The following NAA11 variants were observed in gnomAD, a reference collection of about 807,000 sequenced individuals.
The protein encoded by NAA11 is N-alpha-acetyltransferase 11, NatA catalytic subunit, also known as N-alpha-acetyltransferase 11.
NAA11 carries 15 observed loss-of-function variants against 16.1 expected under a neutral mutation model. The ratio of observed to expected loss-of-function variants is 0.93; its 90% CI spans 0.62 to 1.44. The LOEUF (loss-of-function observed/expected upper bound fraction) is 1.44, where lower values mean the gene tolerates loss of function less well. NAA11 is among the 40% of genes most tolerant of loss of function. The pLI, the probability that NAA11 is intolerant of heterozygous loss-of-function variation, is 0.00. For synonymous variants in NAA11, 122 were observed against 112.4 expected (o/e 1.09, Z -0.54); for missense variants, 298 against 291.3 (o/e 1.02, Z -0.17).
At chr4:79,192,283 T>C in the NAA11 span, among the ~76,000 whole-genome samples, 1 of 151,906 alleles carries the variant, frequency 6.6e-6, no homozygotes, top group Non-Finnish European at 1.5e-5. Flanking sequence ...AATGTGCAGG[T>C]TTGTTACATA....
intron 1 of NAA11, 75 bp downstream of exon 1, chr4:79,325,101 G>A (rs1473768046): frequency 2.3e-6 from 3 of 1,308,644 alleles, no homozygotes; most frequent in South Asian, 1.5e-5. Context: ...GGTAAGACAG[G>A]ATGGAATTGG....
intron 2 of NAA11, among the ~76,000 whole-genome samples, chr4:79,233,995 A>G (rs927223753): frequency 6.6e-6 from 1 of 152,050 alleles, no homozygotes; most frequent in South Asian, 2.1e-4. Context: ...GGGGAAGTCT[A>G]CCTGAAGCTG....
At chr4:79,188,608 C>A in the NAA11 span, among the ~76,000 whole-genome samples, 69 of 150,272 alleles carry the variant, frequency 4.6e-4, no homozygotes, top group Non-Finnish European at 8.1e-4. Flanking sequence ...AAAAAAAAGA[C>A]AAACTTCTGT....
At chr4:79,221,006 G>A (rs1227354395), downstream of NAA11, among the ~76,000 whole-genome samples, 20 of 151,770 alleles carry the variant, frequency 1.3e-4, no homozygotes, top group East Asian at 3.9e-4. Flanking sequence ...CTACCCATGA[G>A]CATGGAATGT....
chr4:79,204,450 C>T, the NAA11 span, among the ~76,000 whole-genome samples: 2 of 151,308 alleles, frequency 1.3e-5, no homozygotes, highest in African/African-American at 4.9e-5. Context: ...AATTGTGTGC[C>T]CCCAAAATTC....
chr4:79,305,379 C>T (rs1344230351), intron 1 of NAA11, among the ~76,000 whole-genome samples: 1 of 152,198 alleles, frequency 6.6e-6, no homozygotes, highest in Non-Finnish European at 1.5e-5. Context: ...CAAAGTAAAA[C>T]ATGACTGCCA....
chr4:79,273,385 T>A (rs915238469), intron 2 of NAA11, among the ~76,000 whole-genome samples: 1 of 152,004 alleles, frequency 6.6e-6, no homozygotes, highest in Non-Finnish European at 1.5e-5. Context: ...AGAAAGCCAA[T>A]TTCAGACATA....
chr4:79,183,975 T>C, the NAA11 span, among the ~76,000 whole-genome samples: 11 of 152,196 alleles, frequency 7.2e-5, no homozygotes, highest in Non-Finnish European at 1.6e-4. Context: ...CAACAACATT[T>C]ACTTGGAAGA....
intron 2 of NAA11, among the ~76,000 whole-genome samples, chr4:79,292,472 G>A (rs1188313800): frequency 1.3e-5 from 2 of 152,148 alleles, no homozygotes; most frequent in Non-Finnish European, 2.9e-5. Context: ...GTAAACCAGG[G>A]GTAGAGGACC....
the NAA11 span, among the ~76,000 whole-genome samples, chr4:79,187,109 GT>G: frequency 6.6e-6 from 1 of 152,032 alleles, no homozygotes; most frequent in Admixed American, 6.5e-5. Flanking sequence ...TTTACATTTG[GT>G]TTGTCAGCTT....
chr4:79,157,044 GAC>G, the NAA11 span, among the ~76,000 whole-genome samples: 2 of 152,118 alleles, frequency 1.3e-5, no homozygotes, highest in African/African-American at 4.8e-5. Flanking sequence ...TTTTTTAAAT[GAC>G]AGTTATATTG....
intron 2 of NAA11, among the ~76,000 whole-genome samples, chr4:79,283,533 T>C (rs2109987936): frequency 6.6e-6 from 1 of 152,170 alleles, no homozygotes; most frequent in Admixed American, 6.6e-5. Flanking sequence ...GAATTTCTGT[T>C]TGATTGCTTC....
intron 2 of NAA11, among the ~76,000 whole-genome samples, chr4:79,255,412 A>G (rs951360601): frequency 6.6e-6 from 1 of 151,938 alleles, no homozygotes; most frequent in Non-Finnish European, 1.5e-5. Flanking sequence ...TGTGCTATAT[A>G]TTTCTTTTTC....
intron 2 of NAA11, among the ~76,000 whole-genome samples, chr4:79,269,935 C>T (rs1379960213): frequency 1.3e-5 from 2 of 152,096 alleles, no homozygotes; most frequent in African/African-American, 4.8e-5. Context: ...AGCCAGTTTT[C>T]CCAGCACCAT....
downstream of NAA11, among the ~76,000 whole-genome samples, chr4:79,314,641 T>TAAA (rs375245497): frequency 8.8e-4 from 86 of 98,042 alleles, 2 homozygotes; most frequent in Middle Eastern, 6.7e-3. Flanking sequence ...TCCTTAAAAT[T>TAAA]AAAAAAAAAA....
intron 2 of NAA11, among the ~76,000 whole-genome samples, chr4:79,281,306 A>T (rs1722781203): frequency 6.6e-6 from 1 of 152,004 alleles, no homozygotes; most frequent in Non-Finnish European, 1.5e-5. Context: ...AGGAGACAGT[A>T]AAGAATCCAA....
At chr4:79,179,135 A>C in the NAA11 span, among the ~76,000 whole-genome samples, 65 of 152,286 alleles carry the variant, frequency 4.3e-4, no homozygotes, top group Admixed American at 2.6e-4. Flanking sequence ...AGCTCATGCT[A>C]TTTATTTCAT....
At chr4:79,157,606 C>T in the NAA11 span, among the ~76,000 whole-genome samples, 1 of 151,156 alleles carries the variant, frequency 6.6e-6, no homozygotes. Context: ...TATATACACA[C>T]ATATATATAC....
At chr4:79,222,930 C>G (rs1374728333), downstream of NAA11, among the ~76,000 whole-genome samples, 1 of 149,630 alleles carries the variant, frequency 6.7e-6, no homozygotes, top group Non-Finnish European at 1.5e-5. Flanking sequence ...AAATGCAAAT[C>G]AAAACCACAA....
Sources: allele counts gnomAD v4.1 joint callset (sites outside exome capture counted in the v4.1 genomes callset), GRCh38; gene constraint gnomAD v4.1.1; transcripts MANE v1.5; gene names NCBI Gene and HGNC (gene_info 2026-07-23, HGNC 2026-07-21).